The following PPP1R13B variants were observed in gnomAD, a reference collection of about 807,000 sequenced individuals.
PPP1R13B encodes apoptosis-stimulating of p53 protein 1.
In PPP1R13B, 44 loss-of-function variants were observed where a neutral mutation model predicts 119.8. That is an observed-to-expected ratio of 0.37 (90% CI 0.29 to 0.47). The LOEUF (loss-of-function observed/expected upper bound fraction) is 0.47. Ranked by LOEUF, PPP1R13B falls within the 20% of genes least tolerant of loss-of-function variation. The pLI, the probability that PPP1R13B is intolerant of heterozygous loss-of-function variation, is 0.99. For synonymous variants in PPP1R13B, 542 were observed against 561.5 expected, an observed-to-expected ratio of 0.97 and a Z score of 0.49; for missense variants, 1,227 against 1,413.5, an observed-to-expected ratio of 0.87 and a Z score of 2.12.
intron 8 of PPP1R13B, among the ~76,000 whole-genome samples, chr14:103,749,429 G>GC (rs2084481313): frequency 6.6e-6 from 1 of 152,158 alleles, no homozygotes; most frequent in Non-Finnish European, 1.5e-5. Context: ...ATGAGGCTAC[G>GC]CAAGTCAAAG....
At chr14:103,758,984 A>C (rs2084741346) in intron 4 of PPP1R13B, among the ~76,000 whole-genome samples, 1 of 146,700 alleles carries the variant, frequency 6.8e-6, no homozygotes, top group South Asian at 2.2e-4. Flanking sequence ...CTTGAGACGG[A>C]GTCTCGCTCT....
At chr14:103,804,576 G>A (rs1334861167) in intron 1 of PPP1R13B, among the ~76,000 whole-genome samples, 1 of 151,808 alleles carries the variant, frequency 6.6e-6, no homozygotes, top group Non-Finnish European at 1.5e-5. Flanking sequence ...CTAAATAAAT[G>A]AATAAACAAC....
At chr14:103,772,474 C>T (rs1197700283) in intron 4 of PPP1R13B, among the ~76,000 whole-genome samples, 1 of 152,202 alleles carries the variant, frequency 6.6e-6, no homozygotes, top group Non-Finnish European at 1.5e-5. Flanking sequence ...GTTCCAATTT[C>T]TCCCTTTCCT....
intron 1 of PPP1R13B, among the ~76,000 whole-genome samples, chr14:103,815,854 C>T (rs2086266573): frequency 6.6e-6 from 1 of 151,978 alleles, no homozygotes; most frequent in African/African-American, 2.4e-5. Flanking sequence ...GAGGCCGAGG[C>T]GGGCAGATCA....
At chr14:103,813,486 G>C (rs995516823) in intron 1 of PPP1R13B, among the ~76,000 whole-genome samples, 1 of 152,070 alleles carries the variant, frequency 6.6e-6, no homozygotes, top group Non-Finnish European at 1.5e-5. Flanking sequence ...TTTTGTTCTC[G>C]TGATAATGCG....
At chr14:103,826,627 T>G (rs1339542375) in intron 1 of PPP1R13B, among the ~76,000 whole-genome samples, 2 of 152,000 alleles carry the variant, frequency 1.3e-5, no homozygotes, top group Middle Eastern at 3.4e-3. Context: ...TAAGTTTAGA[T>G]TATGGTAGGT....
At chr14:103,785,811 T>C (rs1384213062) in intron 2 of PPP1R13B, among the ~76,000 whole-genome samples, 3 of 152,090 alleles carry the variant, frequency 2.0e-5, no homozygotes, top group African/African-American at 4.8e-5. Flanking sequence ...TGAGCCACTA[T>C]GCTCAGCCTC....
chr14:103,847,604 G>T (rs2087090804), upstream of PPP1R13B: 1 of 986,216 alleles, frequency 1.0e-6, no homozygotes, highest in South Asian at 4.5e-5. Flanking sequence ...TCGCTCTTCA[G>T]CCCCCGCAGG....
At chr14:103,804,294 G>A (rs1018806613) in intron 1 of PPP1R13B, among the ~76,000 whole-genome samples, 15 of 152,068 alleles carry the variant, frequency 9.9e-5, no homozygotes, top group Non-Finnish European at 2.2e-4. Context: ...AAAATCAACT[G>A]AAATCAAATA....
intron 2 of PPP1R13B, among the ~76,000 whole-genome samples, chr14:103,787,681 C>CT (rs2085505351): frequency 7.3e-6 from 1 of 136,722 alleles, no homozygotes; most frequent in Non-Finnish European, 1.5e-5. Flanking sequence ...GAGACAGAGT[C>CT]TCACTGTGTC....
chr14:103,848,425 T>G (rs1254550569), upstream of PPP1R13B: 1 of 985,340 alleles, frequency 1.0e-6, no homozygotes, highest in African/African-American at 1.7e-5. Flanking sequence ...GGCAGGGCCC[T>G]GAGCAGACCC....
chr14:103,845,959 C>T (rs576812922), intron 1 of PPP1R13B, among the ~76,000 whole-genome samples: 1 of 152,226 alleles, frequency 6.6e-6, no homozygotes, highest in Admixed American at 6.5e-5. Flanking sequence ...CTATTTGATC[C>T]TCAGGACAGC....
chr14:103,811,710 T>A (rs566419438), intron 1 of PPP1R13B, among the ~76,000 whole-genome samples: 1 of 152,102 alleles, frequency 6.6e-6, no homozygotes, highest in Admixed American at 6.6e-5. Flanking sequence ...CATAAAGGAC[T>A]TGTATCCTAA....
intron 16 of PPP1R13B, 29 bp from the exon 17 acceptor site, chr14:103,735,224 A>G: frequency 6.2e-7 from 1 of 1,613,168 alleles, no homozygotes; most frequent in Non-Finnish European, 8.5e-7. Context: ...GCGTCAGGAC[A>G]GGAAGCCACA....
intron 1 of PPP1R13B, among the ~76,000 whole-genome samples, chr14:103,807,724 G>A (rs1595801924): frequency 3.3e-5 from 5 of 152,164 alleles, no homozygotes; most frequent in Admixed American, 3.3e-4. Flanking sequence ...TCGATCTCCT[G>A]ACCGTGTGAT....
chr14:103,810,591 G>A (rs969600791), intron 1 of PPP1R13B, among the ~76,000 whole-genome samples: 1 of 151,444 alleles, frequency 6.6e-6, no homozygotes, highest in Non-Finnish European at 1.5e-5. Context: ...GGCTAACACA[G>A]TGAAACTCGT....
Position 103,794,967 on chromosome 14 carries a change from A to C in PPP1R13B, c.157+2404T>G, listed in dbSNP as rs150880741. ...TTATGTTTGTTTGTTTTTTTTTGAG[A>C]CAGTCTCGCTCTGTCGCCCAGGCTG... On this transcript the variant is annotated intron_variant, in intron 2 of 16. Transcript: ENST00000202556. Among the ~76,000 whole-genome samples, 392 of 152,026 alleles carry C rather than the reference A, an allele frequency of 2.6e-3. 6 individuals carry two copies. The highest frequency in any genetic ancestry group is 5.8e-3 in the East Asian group (30 of 5,148).
At chr14:103,766,463 C>T (rs1468026408) in intron 4 of PPP1R13B, among the ~76,000 whole-genome samples, 1 of 152,200 alleles carries the variant, frequency 6.6e-6, no homozygotes, top group Non-Finnish European at 1.5e-5. Flanking sequence ...CTTTCCATCA[C>T]ATGGGAGGTG....
chr14:103,783,574 GTCTC>G, intron 3 of PPP1R13B, among the ~76,000 whole-genome samples: 1 of 149,784 alleles, frequency 6.7e-6, no homozygotes, highest in Non-Finnish European at 1.5e-5. Flanking sequence ...TTGAGACAGG[GTCTC>G]TCTCTGTTGC....
Sources: gnomAD v4.1 joint callset for allele counts (sites outside exome capture counted in the v4.1 genomes callset) on GRCh38, gnomAD v4.1.1 for gene constraint, MANE v1.5 for transcripts, NCBI Gene and HGNC (gene_info 2026-07-23, HGNC 2026-07-21) for gene names.